Variants in ERBB4 observed in about 807,000 individuals in gnomAD.
The protein encoded by ERBB4 is erb-b2 receptor tyrosine kinase 4.
A neutral mutation model predicts 158.0 loss-of-function variants in ERBB4; 42 were observed. That is an observed-to-expected ratio of 0.27 (90% confidence interval 0.21 to 0.34). The LOEUF is 0.34. Among genes scored for constraint, ERBB4 ranks in the 10% least tolerant of loss-of-function variants. The probability of loss-of-function intolerance (pLI) is 1.00; values close to 1 mark genes in which losing one functional copy is unlikely to be tolerated. For missense variants in ERBB4, 1,333 were observed against 1,624.1 expected (o/e 0.82, Z 3.08); for synonymous variants, 583 against 558.7 (o/e 1.04, Z -0.61).
At chr2:211,902,498 AAC>A (rs939319596) in intron 3 of ERBB4, among the ~76,000 whole-genome samples, 3 of 151,976 alleles carry the variant, frequency 2.0e-5, no homozygotes, top group African/African-American at 4.8e-5. Flanking sequence ...AAATAATTTA[AAC>A]ACATTATTTT....
At chr2:212,071,385 G>C (rs1038524119) in intron 2 of ERBB4, among the ~76,000 whole-genome samples, 7 of 150,960 alleles carry the variant, frequency 4.6e-5, no homozygotes. Flanking sequence ...TATATGCAAA[G>C]AGCAATAAAC....
chr2:211,838,103 C>G (rs13415856), intron 3 of ERBB4, among the ~76,000 whole-genome samples: 1 of 151,966 alleles, frequency 6.6e-6, no homozygotes, highest in African/African-American at 2.4e-5. Context: ...TACCAGAGTG[C>G]GGAGAATCAA....
At chr2:212,381,836 A>G (rs1024872389) in intron 1 of ERBB4, among the ~76,000 whole-genome samples, 5 of 151,412 alleles carry the variant, frequency 3.3e-5, no homozygotes, top group African/African-American at 1.2e-4. Flanking sequence ...TGATATTTCA[A>G]CTACCCAGAA....
chr2:211,845,160 C>T (rs576331697), intron 3 of ERBB4, among the ~76,000 whole-genome samples: 1 of 152,100 alleles, frequency 6.6e-6, no homozygotes, highest in South Asian at 2.1e-4. Context: ...CTGCAGCATG[C>T]CAGCTCCCGA....
chr2:211,749,201 A>G (rs918056703), intron 5 of ERBB4, among the ~76,000 whole-genome samples: 1 of 152,200 alleles, frequency 6.6e-6, no homozygotes, highest in African/African-American at 2.4e-5. Flanking sequence ...CGGTAGAACT[A>G]ATTGATCCAA....
intron 1 of ERBB4, among the ~76,000 whole-genome samples, chr2:212,128,401 C>T (rs946260272): frequency 6.6e-6 from 1 of 152,112 alleles, no homozygotes; most frequent in Admixed American, 6.5e-5. Flanking sequence ...CTGACTTTGC[C>T]TGGTTTATTC....
chr2:211,991,088 T>G (rs968831202), intron 2 of ERBB4, among the ~76,000 whole-genome samples: 1 of 152,034 alleles, frequency 6.6e-6, no homozygotes, highest in Non-Finnish European at 1.5e-5. Flanking sequence ...ATTCTAGTGA[T>G]GTCTATAGCT....
At chr2:212,351,813 G>T (rs1425924559) in intron 1 of ERBB4, among the ~76,000 whole-genome samples, 1 of 152,042 alleles carries the variant, frequency 6.6e-6, no homozygotes, top group Non-Finnish European at 1.5e-5. Context: ...TAATCATGTT[G>T]CTAAGGTCAT....
chr2:211,580,855 G>T lies in ERBB4; in HGVS notation c.2302-18767C>A, dbSNP rs1208003228. ...ATATAGATTATATATTATATATATA[G>T]TATGCATATACATATATATATATAT... On this transcript the variant is annotated intron_variant, in intron 19 of 27. Transcript: ENST00000342788. 2.0e-3 allele frequency among the ~76,000 whole-genome samples: 28 copies of T among 13,898 alleles called. 5 individuals carry two copies. In the South Asian group the frequency reaches 0.027, roughly 14 times the overall value. 9.1% of individuals were successfully genotyped at this position (13,898 alleles called of 152,430 possible). A position where few individuals can be genotyped will look rare whatever the true frequency, so the allele number is the denominator to read the frequency against.
intron 20 of ERBB4, among the ~76,000 whole-genome samples, chr2:211,516,060 G>A (rs1346095429): frequency 2.0e-5 from 3 of 149,578 alleles, no homozygotes; most frequent in Admixed American, 6.7e-5. Flanking sequence ...GACTACAGGC[G>A]CCCGCCACCA....
At chr2:212,193,801 G>C (rs886256710) in intron 1 of ERBB4, among the ~76,000 whole-genome samples, 1 of 152,026 alleles carries the variant, frequency 6.6e-6, no homozygotes, top group Non-Finnish European at 1.5e-5. Context: ...ATGTAGATGA[G>C]TAATTCTTCA....
intron 2 of ERBB4, among the ~76,000 whole-genome samples, chr2:211,972,315 A>G (rs2081476916): frequency 6.6e-6 from 1 of 152,242 alleles, no homozygotes; most frequent in South Asian, 2.1e-4. Context: ...TATCATTAAA[A>G]TGGTCATACT....
chr2:211,826,806 T>C (rs1472120776), intron 3 of ERBB4, among the ~76,000 whole-genome samples: 2 of 152,070 alleles, frequency 1.3e-5, no homozygotes, highest in African/African-American at 4.8e-5. Flanking sequence ...ATGCTATATG[T>C]GTATTTCTGC....
chr2:212,353,134 G>A (rs1244319119), intron 1 of ERBB4, among the ~76,000 whole-genome samples: 1 of 151,690 alleles, frequency 6.6e-6, no homozygotes. Context: ...CAGTTCTAGG[G>A]GATAATTGTT....
At chr2:212,459,795 C>T (rs948575329) in intron 1 of ERBB4, among the ~76,000 whole-genome samples, 8 of 152,172 alleles carry the variant, frequency 5.3e-5, no homozygotes, top group African/African-American at 1.9e-4. Flanking sequence ...CATATATTTA[C>T]AGCCTACTAA....
At chr2:212,309,301 G>C (rs570365733) in intron 1 of ERBB4, among the ~76,000 whole-genome samples, 78 of 150,900 alleles carry the variant, frequency 5.2e-4, no homozygotes, top group African/African-American at 1.8e-3. Context: ...AGCACATAAA[G>C]GACATAATCC....
At chr2:212,197,293 C>T (rs10164682) in intron 1 of ERBB4, among the ~76,000 whole-genome samples, 53,799 of 151,894 alleles carry the variant, frequency 0.35, 10,167 homozygotes, top group African/African-American at 0.45. Context: ...ACAATAAAGA[C>T]ACAAATTATT....
intron 12 of ERBB4, among the ~76,000 whole-genome samples, chr2:211,690,339 A>G (rs2072756940): frequency 6.6e-6 from 1 of 152,040 alleles, no homozygotes; most frequent in Non-Finnish European, 1.5e-5. Flanking sequence ...AGGTGACAGC[A>G]CTTTACAGTA....
chr2:211,804,325 T>C (rs549025955), intron 3 of ERBB4, among the ~76,000 whole-genome samples: 7 of 152,316 alleles, frequency 4.6e-5, no homozygotes, highest in African/African-American at 1.4e-4. Context: ...TTGTTAGTCC[T>C]GCATTAATCA....
Sources: gnomAD v4.1 joint callset for allele counts (sites outside exome capture counted in the v4.1 genomes callset) on GRCh38, gnomAD v4.1.1 for gene constraint, MANE v1.5 for transcripts, NCBI Gene and HGNC (gene_info 2026-07-23, HGNC 2026-07-21) for gene names.